Variants in ADIPOR2 observed in about 807,000 individuals in gnomAD.
The protein encoded by ADIPOR2 is adiponectin receptor 2, also known as adiponectin receptor protein 2.
A neutral mutation model predicts 40.9 loss-of-function variants in ADIPOR2; 18 were observed. The ratio of observed to expected loss-of-function variants is 0.44; its 90% confidence interval spans 0.30 to 0.65. ADIPOR2 has a LOEUF of 0.65. Ranked by LOEUF, ADIPOR2 falls within the 30% of genes least tolerant of loss-of-function variation. The probability of loss-of-function intolerance (pLI) is 0.09; values close to 1 mark genes in which losing one functional copy is unlikely to be tolerated. For missense variants in ADIPOR2, 283 were observed against 479.2 expected, an observed-to-expected ratio of 0.59 and a Z score of 3.82; for synonymous variants, 165 against 166.4, an observed-to-expected ratio of 0.99 and a Z score of 0.06.
chr12:1,778,197 G>A, intron 4 of ADIPOR2, 172 bp downstream of exon 4: 2 of 708,516 alleles, frequency 2.8e-6, no homozygotes, highest in Non-Finnish European at 4.2e-6. Flanking sequence ...ATCCTGGTTT[G>A]CACTATGATT....
intron 1 of ADIPOR2, among the ~76,000 whole-genome samples, chr12:1,719,786 T>C (rs1213245462): frequency 2.6e-5 from 4 of 152,040 alleles, no homozygotes; most frequent in Admixed American, 1.3e-4. Context: ...GCAGTTCTCC[T>C]GCGACAGCCT....
At chr12:1,758,175 A>G (rs1862186086) in intron 2 of ADIPOR2, among the ~76,000 whole-genome samples, 1 of 152,128 alleles carries the variant, frequency 6.6e-6, no homozygotes, top group Non-Finnish European at 1.5e-5. Flanking sequence ...TCTGTAAATA[A>G]TATTTGTGTT....
intron 1 of ADIPOR2, among the ~76,000 whole-genome samples, chr12:1,695,305 C>T (rs1469529340): frequency 6.9e-6 from 1 of 145,834 alleles, no homozygotes; most frequent in Non-Finnish European, 1.5e-5. Flanking sequence ...GTCTGGGCAA[C>T]ACAGCATGAC....
chr12:1,704,217 G>A (rs2094657312), intron 1 of ADIPOR2, among the ~76,000 whole-genome samples: 1 of 152,114 alleles, frequency 6.6e-6, no homozygotes, highest in South Asian at 2.1e-4. Flanking sequence ...AAGCACAATT[G>A]CAGTCTTTTT....
intron 1 of ADIPOR2, among the ~76,000 whole-genome samples, chr12:1,691,573 G>T (rs1313728935): frequency 1.3e-5 from 2 of 152,180 alleles, no homozygotes; most frequent in Admixed American, 6.5e-5. Context: ...GCCCCTCTTC[G>T]TCTCTTGTCT....
chr12:1,698,811 A>G (rs549197124), intron 1 of ADIPOR2, among the ~76,000 whole-genome samples: 2 of 152,314 alleles, frequency 1.3e-5, no homozygotes, highest in South Asian at 2.1e-4. Flanking sequence ...GGTCACAGCA[A>G]TGTAAACTCT....
chr12:1,750,470 G>C (rs1425233191), intron 1 of ADIPOR2, among the ~76,000 whole-genome samples: 2 of 151,806 alleles, frequency 1.3e-5, no homozygotes, highest in African/African-American at 4.8e-5. Flanking sequence ...GGCAGGTGGA[G>C]GGCAGGAGGA....
At position 1,754,366 on chromosome 12, in the gene ADIPOR2, G is replaced by A. The variant is rs1273077347; in HGVS notation, c.23G>A (p.Arg8Gln). 10 of 1,609,264 alleles carry A rather than the reference G, an allele frequency of 6.2e-6. No homozygotes were observed. Among genetic ancestry groups the A allele is most frequent in the African/African-American group, 2.7e-5 (2 of 74,684 alleles). ...CCCATGAACGAGCCAACAGAAAACC[G>A]ATTGGGGTGCAGCAGGACTCCAGAG... is the stretch of plus-strand genomic sequence containing the variant. MNEPTEN[R>Q]LGCSRTPEPD... is the part of the protein sequence containing the mutation. The change falls in exon 2 of 8, where the codon CGA becomes CAA. Residue 8 changes from arginine to glutamine, a missense_variant. By Grantham distance (43) the Arg-to-Gln change is conservative (BLOSUM62 1). Coordinates refer to ENST00000357103, the MANE Select transcript of ADIPOR2 (RefSeq NM_024551.3).
intron 1 of ADIPOR2, among the ~76,000 whole-genome samples, chr12:1,731,865 G>A (rs767163606): frequency 2.5e-4 from 38 of 152,352 alleles, no homozygotes; most frequent in Non-Finnish European, 4.1e-4. Context: ...TTGAGAGGCT[G>A]AGGCAGGAGA....
chr12:1,763,983 C>CA (rs1052726865), intron 2 of ADIPOR2, among the ~76,000 whole-genome samples: 2 of 151,976 alleles, frequency 1.3e-5, no homozygotes, highest in African/African-American at 4.8e-5. Flanking sequence ...TGGCTCAAAA[C>CA]AAAAAATTAC....
chr12:1,692,038 G>A (rs928255820), intron 1 of ADIPOR2, among the ~76,000 whole-genome samples: 2 of 150,466 alleles, frequency 1.3e-5, no homozygotes, highest in African/African-American at 4.9e-5. Flanking sequence ...TTTGACTCTG[G>A]GTTTCTGAGC....
chr12:1,772,219 G>C (rs1862505888), intron 2 of ADIPOR2, among the ~76,000 whole-genome samples: 2 of 152,112 alleles, frequency 1.3e-5, no homozygotes, highest in African/African-American at 4.8e-5. Context: ...AAAGGCAGTG[G>C]GTTTTGGAGT....
chr12:1,710,525 C>T (rs539100528), intron 1 of ADIPOR2, among the ~76,000 whole-genome samples: 3 of 152,140 alleles, frequency 2.0e-5, no homozygotes, highest in East Asian at 3.9e-4. Flanking sequence ...GGGCACCTGT[C>T]GGCCAGTTAA....
chr12:1,756,876 G>A (rs1184048109), intron 2 of ADIPOR2, among the ~76,000 whole-genome samples: 1 of 152,088 alleles, frequency 6.6e-6, no homozygotes, highest in Admixed American at 6.5e-5. Flanking sequence ...GAAAATAGAG[G>A]AATCAAGGCT....
chr12:1,703,635 C>T lies in ADIPOR2; in HGVS notation c.-87+12444C>T, dbSNP rs141178874. 1.3e-4 allele frequency among the ~76,000 whole-genome samples: 20 copies of T among 151,976 alleles called. No individual in the cohort carries two copies. In the East Asian group the frequency reaches 2.9e-3, roughly 22 times the overall value. ...CCGGGACTGAGGTGGGAGGATAGCT[C>T]GAACCTGGGAGGTCAAGGCTGCAGT... On this transcript the variant is annotated intron_variant, in intron 1 of 7. Transcript: ENST00000357103.
chr12:1,729,039 C>T (rs1331236967), intron 1 of ADIPOR2, among the ~76,000 whole-genome samples: 1 of 124,640 alleles, frequency 8.0e-6, no homozygotes, highest in Non-Finnish European at 1.6e-5. Flanking sequence ...TACTTTGGTT[C>T]TGTGTGCTTT....
intron 6 of ADIPOR2, among the ~76,000 whole-genome samples, chr12:1,782,976 C>CTTTTTTTTTTTTTTTTTTTTT (rs71055199): frequency 6.4e-5 from 7 of 109,756 alleles, no homozygotes; most frequent in East Asian, 2.7e-4. Flanking sequence ...TTCTTTCTTT[C>CTTTTTTTTTTTTTTTTTTTTT]TTTTTTTTTT....
chr12:1,768,463 A>C (rs1862429274), intron 2 of ADIPOR2, among the ~76,000 whole-genome samples: 1 of 152,014 alleles, frequency 6.6e-6, no homozygotes. Flanking sequence ...CTATGAAGTC[A>C]TTTATTTGGC....
At chr12:1,739,725 C>A (rs1449799901) in intron 1 of ADIPOR2, among the ~76,000 whole-genome samples, 1 of 152,098 alleles carries the variant, frequency 6.6e-6, no homozygotes, top group Non-Finnish European at 1.5e-5. Flanking sequence ...GTTTGTTGAG[C>A]CTTCTTTAGA....
Sources: allele counts gnomAD v4.1 joint callset (sites outside exome capture counted in the v4.1 genomes callset), GRCh38; gene constraint gnomAD v4.1.1; transcripts MANE v1.5; gene names NCBI Gene and HGNC (gene_info 2026-07-23, HGNC 2026-07-21).